The following EPG5 variants were observed in gnomAD, a reference collection of about 807,000 sequenced individuals.
The protein encoded by EPG5 is ectopic P-granules 5 autophagy tethering factor.
EPG5 carries 159 observed loss-of-function variants against 302.7 expected under a neutral mutation model. That is an observed-to-expected ratio of 0.53 (90% CI 0.46 to 0.60). The LOEUF is 0.60. Ranked by LOEUF, EPG5 falls within the 20% of genes least tolerant of loss-of-function variation. The probability of loss-of-function intolerance (pLI) is 0.00; values close to 1 mark genes in which losing one functional copy is unlikely to be tolerated. For synonymous variants in EPG5, 1,158 were observed against 1,136.8 expected (o/e 1.02, Z -0.37); for missense variants, 2,896 against 3,092.4 (o/e 0.94, Z 1.51).
the EPG5 span, among the ~76,000 whole-genome samples, chr18:45,802,209 A>G: frequency 6.6e-6 from 1 of 152,114 alleles, no homozygotes; most frequent in African/African-American, 2.4e-5. Flanking sequence ...TACAACAAGT[A>G]CTGGCACTGA....
chr18:45,966,804 G>A (rs959719804), intron 1 of EPG5, among the ~76,000 whole-genome samples: 2 of 152,170 alleles, frequency 1.3e-5, no homozygotes, highest in African/African-American at 2.4e-5. Flanking sequence ...GCATGGCAGG[G>A]ACTAAAAATG....
At chr18:45,856,929 G>GT (rs1163248986) in intron 42 of EPG5, among the ~76,000 whole-genome samples, 2 of 151,790 alleles carry the variant, frequency 1.3e-5, no homozygotes, top group Non-Finnish European at 2.9e-5. Context: ...CATTTTTTCT[G>GT]TTTTTTTGAG....
intron 31 of EPG5, among the ~76,000 whole-genome samples, chr18:45,881,030 A>G (rs2049088460): frequency 6.6e-6 from 1 of 152,184 alleles, no homozygotes; most frequent in Non-Finnish European, 1.5e-5. Context: ...AGGGAAAACA[A>G]CGGGCTCACC....
In EPG5 at chr18:45,930,717, C is replaced by T; in HGVS notation, c.2371G>A (p.Asp791Asn). Residue 791 changes from aspartate to asparagine, a missense_variant, in exon 12 of 44, where the codon GAC (aspartate) becomes AAC (asparagine). Around this residue, in one of 5 missense-constraint regions of EPG5, gnomAD observed 1,390 missense variants for 1,430.0 expected, o/e 0.97. Transcript: ENST00000282041. ...ACAATAATTTTTATGAAGTCTTCGTCCACATTGGTTCTTCTGGCCTGAGCC... is the reference window on the plus strand; with the variant it reads ...ACAATAATTTTTATGAAGTCTTCGTTCACATTGGTTCTTCTGGCCTGAGCC... ...QMAQARRTNV[D>N]EDFIKIIVLE... 6.2e-7 allele frequency: 1 copy of T among 1,606,208 alleles called. No homozygotes were observed. The highest frequency in any genetic ancestry group is 8.5e-7 in the Non-Finnish European group (1 of 1,177,398).
intron 1 of EPG5, among the ~76,000 whole-genome samples, chr18:45,956,912 A>G (rs2051046516): frequency 2.0e-5 from 3 of 151,802 alleles, no homozygotes; most frequent in African/African-American, 7.3e-5. Context: ...AAAATAAGTT[A>G]TGGTTTCAAA....
chr18:45,866,031 A>T (rs1419945669), intron 38 of EPG5, among the ~76,000 whole-genome samples: 1 of 152,032 alleles, frequency 6.6e-6, no homozygotes. Context: ...TTAACCAAAC[A>T]CTAACTACTT....
chr18:45,950,035 C>T (rs141616368), intron 4 of EPG5, among the ~76,000 whole-genome samples: 110 of 152,322 alleles, frequency 7.2e-4, no homozygotes, highest in African/African-American at 2.5e-3. Flanking sequence ...TCCCATAACA[C>T]ACTCAACATC....
intron 7 of EPG5, among the ~76,000 whole-genome samples, chr18:45,945,389 A>G (rs1224435461): frequency 6.6e-6 from 1 of 152,180 alleles, no homozygotes; most frequent in African/African-American, 2.4e-5. Flanking sequence ...AATGATGTGG[A>G]TAATTCAGAG....
At chr18:45,834,991 T>C in the EPG5 span, among the ~76,000 whole-genome samples, 3 of 152,124 alleles carry the variant, frequency 2.0e-5, no homozygotes, top group Admixed American at 6.5e-5. Flanking sequence ...CAAGGTTCTT[T>C]GATGATTAAC....
At chr18:45,840,073 C>T in the EPG5 span, 2 of 877,484 alleles carry the variant, frequency 2.3e-6, no homozygotes, top group Non-Finnish European at 3.5e-6. Context: ...CACAGCTTCA[C>T]ACCCTGCTAG....
chr18:45,874,021 C>A (rs1225319133), intron 35 of EPG5, among the ~76,000 whole-genome samples: 1 of 152,178 alleles, frequency 6.6e-6, no homozygotes, highest in Non-Finnish European at 1.5e-5. Context: ...GAGAGATGAA[C>A]AGGCAGAGCG....
intron 10 of EPG5, among the ~76,000 whole-genome samples, chr18:45,938,955 G>T (rs906851850): frequency 1.3e-5 from 2 of 152,186 alleles, no homozygotes; most frequent in Non-Finnish European, 2.9e-5. Context: ...ACAGCTGGGT[G>T]GGGGTGGAGG....
chr18:45,961,429 T>A (rs944657943), intron 1 of EPG5, among the ~76,000 whole-genome samples: 1 of 152,192 alleles, frequency 6.6e-6, no homozygotes, highest in African/African-American at 2.4e-5. Flanking sequence ...TCCTTGCAGT[T>A]CCAAGGACAG....
intron 39 of EPG5, among the ~76,000 whole-genome samples, chr18:45,860,759 C>T (rs1225507355): frequency 2.0e-5 from 3 of 152,170 alleles, no homozygotes; most frequent in Non-Finnish European, 4.4e-5. Flanking sequence ...CTGTCACTGC[C>T]ACCGCTGTCA....
chr18:45,895,937 T>C (rs919161976), intron 27 of EPG5, among the ~76,000 whole-genome samples: 1 of 152,266 alleles, frequency 6.6e-6, no homozygotes, highest in African/African-American at 2.4e-5. Flanking sequence ...GGGTATTGGA[T>C]GGCTTCATAT....
intron 39 of EPG5, 98 bp from the exon 40 acceptor site, chr18:45,860,444 G>A: frequency 1.3e-6 from 2 of 1,508,312 alleles, no homozygotes; most frequent in Admixed American, 1.7e-5. Context: ...TGTTCTCCAG[G>A]CAGATTTTAC....
chr18:45,870,812 T>C (rs1241137468), intron 35 of EPG5, 70 bp from the exon 36 acceptor site: 1 of 1,212,610 alleles, frequency 8.2e-7, no homozygotes, highest in Non-Finnish European at 1.1e-6. Context: ...AAAAGCAAAT[T>C]TGAACTAAAA....
At chr18:45,915,830 A>G (rs1200579800) in intron 19 of EPG5, among the ~76,000 whole-genome samples, 179 bp downstream of exon 19, 1 of 152,204 alleles carries the variant, frequency 6.6e-6, no homozygotes, top group Non-Finnish European at 1.5e-5. Context: ...GTCCTTTCCA[A>G]CTTCCCTAGG....
chr18:45,860,767 T>C (rs2048618641), intron 39 of EPG5, among the ~76,000 whole-genome samples: 1 of 152,208 alleles, frequency 6.6e-6, no homozygotes, highest in African/African-American at 2.4e-5. Flanking sequence ...GCCACCGCTG[T>C]CAATATTCTA....
Sources: gnomAD v4.1 joint callset for allele counts (sites outside exome capture counted in the v4.1 genomes callset) on GRCh38, gnomAD v4.1.1 for gene constraint, gnomAD v4.1.1 regional missense constraint, MANE v1.5 for transcripts, NCBI Gene and HGNC (gene_info 2026-07-23, HGNC 2026-07-21) for gene names.